The following MMP16 variants were observed in gnomAD, a reference collection of about 807,000 sequenced individuals.
The protein encoded by MMP16 is matrix metallopeptidase 16.
Under a neutral mutation model 67.8 loss-of-function variants are expected in MMP16, and 12 were observed. That is an observed-to-expected ratio of 0.18 (90% CI 0.11 to 0.29). MMP16 has a LOEUF of 0.29. Ranked by LOEUF, MMP16 falls within the 10% of genes least tolerant of loss-of-function variation. The pLI, the probability that MMP16 is intolerant of heterozygous loss-of-function variation, is 1.00. For missense variants in MMP16, 475 were observed against 765.7 expected, an observed-to-expected ratio of 0.62 and a Z score of 4.48; for synonymous variants, 249 against 255.9, an observed-to-expected ratio of 0.97 and a Z score of 0.26.
intron 1 of MMP16, among the ~76,000 whole-genome samples, chr8:88,284,494 G>C (rs886187545): frequency 3.3e-5 from 5 of 151,808 alleles, no homozygotes; most frequent in African/African-American, 1.2e-4. Context: ...CAAACAAAGA[G>C]TGGTAGAGGC....
At chr8:88,197,637 A>G (rs916178322) in intron 1 of MMP16, among the ~76,000 whole-genome samples, 1 of 152,136 alleles carries the variant, frequency 6.6e-6, no homozygotes, top group South Asian at 2.1e-4. Flanking sequence ...TAGGACCTCA[A>G]CCTCCCAAAA....
intron 1 of MMP16, among the ~76,000 whole-genome samples, chr8:88,261,927 A>C (rs2129950098): frequency 6.6e-6 from 1 of 152,232 alleles, no homozygotes. Flanking sequence ...TGAGGTTATA[A>C]ATAACTAAAG....
chr8:88,198,415 C>T lies in MMP16; in HGVS notation c.133-1109G>A, dbSNP rs557166867. Among the ~76,000 whole-genome samples, 5 of 152,230 alleles carry T rather than the reference C, an allele frequency of 3.3e-5. No individual in the cohort carries two copies. In the South Asian group the frequency reaches 1.0e-3, roughly 32 times the overall value. On this transcript the variant is annotated intron_variant, in intron 1 of 9. Coordinates refer to ENST00000286614, the MANE Select transcript of MMP16 (RefSeq NM_005941.5). ...CTATTTAGTGAAAGCTATTTGCCAG[C>T]ATGTGTTACCCTTCCTACCTCAGTC...
intron 1 of MMP16, among the ~76,000 whole-genome samples, chr8:88,292,068 T>A (rs17729482): frequency 0.12 from 18,580 of 152,202 alleles, 1,242 homozygotes; most frequent in Non-Finnish European, 0.14. Flanking sequence ...CCATTCTTAT[T>A]CCATTGCACA....
chr8:88,075,231 A>G (rs1000720228), intron 6 of MMP16, among the ~76,000 whole-genome samples: 2 of 152,180 alleles, frequency 1.3e-5, no homozygotes, highest in Admixed American at 1.3e-4. Context: ...GCCCTCTTTC[A>G]TCATTAAATG....
At chr8:88,191,730 T>C (rs927897206) in intron 2 of MMP16, among the ~76,000 whole-genome samples, 4 of 152,158 alleles carry the variant, frequency 2.6e-5, no homozygotes, top group African/African-American at 9.7e-5. Flanking sequence ...TTTTAAAAAG[T>C]ATTTAATAAG....
At chr8:88,073,553 C>G (rs1226320721) in intron 7 of MMP16, among the ~76,000 whole-genome samples, 2 of 152,114 alleles carry the variant, frequency 1.3e-5, no homozygotes, top group Non-Finnish European at 2.9e-5. Context: ...GTTCTTACAG[C>G]TAATGGACTA....
intron 3 of MMP16, among the ~76,000 whole-genome samples, chr8:88,169,058 A>G (rs1411825842): frequency 6.6e-6 from 1 of 152,154 alleles, no homozygotes; most frequent in African/African-American, 2.4e-5. Context: ...TCAGGTGAAT[A>G]TATATTGAAA....
chr8:88,086,380 G>T (rs559201095), intron 6 of MMP16, among the ~76,000 whole-genome samples: 2 of 151,948 alleles, frequency 1.3e-5, no homozygotes, highest in East Asian at 3.9e-4. Flanking sequence ...GTATTAGCAA[G>T]GTGCTCTATT....
At chr8:88,218,567 T>C (rs1809630027) in intron 1 of MMP16, among the ~76,000 whole-genome samples, 1 of 152,082 alleles carries the variant, frequency 6.6e-6, no homozygotes, top group Admixed American at 6.6e-5. Flanking sequence ...TCACAATGTA[T>C]GTTTATCAAA....
At chr8:88,190,738 T>C (rs1402482963) in intron 2 of MMP16, among the ~76,000 whole-genome samples, 1 of 152,200 alleles carries the variant, frequency 6.6e-6, no homozygotes, top group South Asian at 2.1e-4. Context: ...TACATATATA[T>C]ATATAGCTTA....
At chr8:88,064,493 G>A (rs1808439247) in intron 7 of MMP16, among the ~76,000 whole-genome samples, 1 of 152,098 alleles carries the variant, frequency 6.6e-6, no homozygotes, top group Admixed American at 6.6e-5. Flanking sequence ...TCCTGGGCAA[G>A]TCATGAATCT....
At chr8:88,142,134 T>C (rs1407440147) in intron 4 of MMP16, among the ~76,000 whole-genome samples, 1 of 151,924 alleles carries the variant, frequency 6.6e-6, no homozygotes, top group African/African-American at 2.4e-5. Flanking sequence ...GGTCTTGAAC[T>C]CCTGAGCTCA....
chr8:88,043,879 A>C (rs1209686266), intron 9 of MMP16, among the ~76,000 whole-genome samples: 1 of 152,204 alleles, frequency 6.6e-6, no homozygotes, highest in Non-Finnish European at 1.5e-5. Context: ...AGTACATTAG[A>C]TGATCATAGA....
At chr8:88,146,901 C>A (rs906420065) in intron 4 of MMP16, among the ~76,000 whole-genome samples, 1 of 151,914 alleles carries the variant, frequency 6.6e-6, no homozygotes, top group African/African-American at 2.4e-5. Flanking sequence ...TTTTCCCCAA[C>A]TGTTTGAACA....
intron 4 of MMP16, among the ~76,000 whole-genome samples, chr8:88,120,132 G>A (rs1366447206): frequency 6.6e-6 from 1 of 151,802 alleles, no homozygotes; most frequent in East Asian, 2.0e-4. Flanking sequence ...AATACTAATA[G>A]AGCATGGTTA....
chr8:88,112,619 G>A (rs1809355336), intron 6 of MMP16, among the ~76,000 whole-genome samples: 1 of 150,066 alleles, frequency 6.7e-6, no homozygotes, highest in South Asian at 2.1e-4. Flanking sequence ...ATTCTCTAAG[G>A]ATTATAAAGC....
intron 1 of MMP16, among the ~76,000 whole-genome samples, chr8:88,252,509 A>G (rs1306430488): frequency 6.6e-6 from 1 of 152,076 alleles, no homozygotes; most frequent in East Asian, 1.9e-4. Flanking sequence ...AAACAAACCA[A>G]TAATCTCTTA....
rs961882217 is a variant in MMP16, at chr8:88,142,767, A to G, written c.710-23906T>C. On this transcript the variant is annotated intron_variant, in intron 4 of 9. Coordinates refer to ENST00000286614, the MANE Select transcript of MMP16 (RefSeq NM_005941.5). ...TGGATTGTCATATTTAACTTGTTTA[A>G]ATGGTGATTGTATCCTTTTCAACTA... is the stretch of plus-strand genomic sequence containing the variant. Among the ~76,000 whole-genome samples the G allele has an allele frequency of 2.6e-5, 4 of 152,014 alleles. No individual in the cohort carries two copies. In the East Asian group the frequency reaches 7.7e-4, roughly 29 times the overall value.
Sources: allele counts gnomAD v4.1 joint callset (sites outside exome capture counted in the v4.1 genomes callset), GRCh38; gene constraint gnomAD v4.1.1; transcripts MANE v1.5; gene names NCBI Gene and HGNC (gene_info 2026-07-23, HGNC 2026-07-21).